Variants in QRSL1 observed in about 807,000 individuals in gnomAD.
The protein encoded by QRSL1 is glutaminyl-tRNA amidotransferase subunit QRSL1.
A neutral mutation model predicts 61.6 loss-of-function variants in QRSL1; 54 were observed. That is an observed-to-expected ratio of 0.88 (90% CI 0.70 to 1.10). The LOEUF (loss-of-function observed/expected upper bound fraction) is 1.10, where lower values mean the gene tolerates loss of function less well. Among genes scored for constraint, QRSL1 ranks in the 50% least tolerant of loss-of-function variants. The pLI is 0.00. For synonymous variants in QRSL1, 228 were observed against 225.7 expected (o/e 1.01, Z -0.09); for missense variants, 505 against 622.6 (o/e 0.81, Z 2.01).
rs751267365 is a variant in QRSL1, at chr6:106,640,406, C to G, written c.82C>G (p.Leu28Val). ...ITPTELCQKC[L>V]SLIKKTKFLN... is the part of the protein sequence containing the mutation. The stretch of plus-strand genomic sequence containing the variant: ...ACCAACAGAGCTCTGTCAAAAATGT[C>G]TCTCTCTTATCAAGAAGACCAAGTT... The change falls in exon 2 of 11, where the codon CTC (leucine) becomes GTC (valine). Residue 28 changes from leucine to valine, a missense_variant. Physicochemically the swap from Leu to Val is conservative, Grantham distance 32. Coordinates refer to ENST00000369046, the MANE Select transcript of QRSL1 (RefSeq NM_018292.5). The G allele has an allele frequency of 5.0e-6, 8 of 1,612,792 alleles. No homozygotes were observed. Among genetic ancestry groups the G allele is most frequent in the Non-Finnish European group, 6.8e-6 (8 of 1,179,030 alleles).
intron 4 of QRSL1, 49 bp downstream of exon 4, chr6:106,643,139 A>G (rs1390511701): frequency 7.9e-7 from 1 of 1,273,240 alleles, no homozygotes; most frequent in East Asian, 2.3e-5. Flanking sequence ...CTGTGCCTTT[A>G]TTTTCACTAA....
intron 1 of QRSL1, among the ~76,000 whole-genome samples, chr6:106,637,561 G>C (rs1776943723): frequency 6.6e-6 from 1 of 152,128 alleles, no homozygotes; most frequent in Non-Finnish European, 1.5e-5. Context: ...TTTGAGAGAA[G>C]AGGGAAGAGA....
intron 8 of QRSL1, 115 bp downstream of exon 8, chr6:106,655,037 T>G: frequency 1.0e-6 from 1 of 953,828 alleles, no homozygotes; most frequent in African/African-American, 1.7e-5. Context: ...TCAGAAAAGT[T>G]CATCAGTGAA....
intron 1 of QRSL1, among the ~76,000 whole-genome samples, chr6:106,638,685 G>A (rs67667413): frequency 0.1 from 15,135 of 152,082 alleles, 1,043 homozygotes; most frequent in African/African-American, 0.19. Context: ...ATCGGACCTT[G>A]CTGCCCTCCT....
At chr6:106,642,703 C>T in intron 3 of QRSL1, 1 of 753,130 alleles carries the variant, frequency 1.3e-6, no homozygotes, top group Non-Finnish European at 2.4e-6. Context: ...AGATTCTTGC[C>T]AAGAGAATGA....
intron 10 of QRSL1, among the ~76,000 whole-genome samples, chr6:106,664,130 T>G (rs1777399268): frequency 6.6e-6 from 1 of 152,250 alleles, no homozygotes; most frequent in Non-Finnish European, 1.5e-5. Context: ...AAATATGGTT[T>G]ATATTCAAAT....
rs1294698315 is a variant in QRSL1 at position 106,667,857 on chromosome 6, C to T, written c.*1855C>T. On this transcript the variant is annotated 3_prime_UTR_variant, in exon 11 of 11. Coordinates refer to ENST00000369046, the MANE Select transcript of QRSL1 (RefSeq NM_018292.5). Reference sequence around the variant, plus strand: ...TTAATTGCTCAGACACCACAACATCCTAGATGGAGGAAACCATTTTAGTTG... The same window carrying T: ...TTAATTGCTCAGACACCACAACATCTTAGATGGAGGAAACCATTTTAGTTG... 1 of 151,872 alleles carries T rather than the reference C, an allele frequency of 6.6e-6. No individual in the cohort carries two copies. The highest frequency in any genetic ancestry group is 1.5e-5 in the Non-Finnish European group (1 of 67,984). 9.4% of individuals were successfully genotyped at this position (151,872 alleles called of 1,614,324 possible).
rs146169808 is a variant in QRSL1 at position 106,659,188 on chromosome 6, C to T, written c.1160+3456C>T. ...GAACATATAGAACATATTTAGGCTG[C>T]GTGCGGTGGCTCACACCTGTAATCC... On this transcript the variant is annotated intron_variant, in intron 9 of 10. Transcript: ENST00000369046. Among the ~76,000 whole-genome samples the T allele has an allele frequency of 1.0e-3, 155 of 152,038 alleles. 1 individual carries two copies. The highest frequency in any genetic ancestry group is 1.9e-3 in the East Asian group (10 of 5,176).
rs779514028 is a variant in QRSL1, at chr6:106,655,641, A to C, written c.1069A>C (p.Thr357Pro). The C allele has an allele frequency of 3.1e-6, 5 of 1,612,334 alleles. No individual in the cohort carries two copies. In the African/African-American group the frequency reaches 6.7e-5, roughly 22 times the overall value. The stretch of plus-strand genomic sequence containing the variant: ...TCACAGATGTGACATTGATGTGTCC[A>C]CTGAAGCCATGTATGCTGCAACCAG... ...YGHRCDIDVS[T>P]EAMYAATRRE... The change falls in exon 9 of 11, where the codon ACT becomes CCT. Residue 357 changes from threonine to proline, a missense_variant. Thr to Pro is a conservative substitution (Grantham distance 38, BLOSUM62 -1). Coordinates refer to ENST00000369046, the MANE Select transcript of QRSL1 (RefSeq NM_018292.5).
intron 9 of QRSL1, among the ~76,000 whole-genome samples, chr6:106,661,590 C>T (rs1777356012): frequency 1.3e-5 from 2 of 148,726 alleles, no homozygotes; most frequent in African/African-American, 4.9e-5. Context: ...ACATATTTCA[C>T]GTTTTTATCG....
At position 106,639,116 on chromosome 6, in the gene QRSL1, G is replaced by GTTTTTTTTTTTTTTTTTTTTTTTTTTT. The variant is rs1554200732; in HGVS notation, c.25-1231_25-1230insTTTTTTTTTTTTTTTTTTTTTTTTTTT. Among the ~76,000 whole-genome samples the GTTTTTTTTTTTTTTTTTTTTTTTTTTT allele has an allele frequency of 5.5e-5, 3 of 54,358 alleles. 1 individual carries two copies. The highest frequency in any genetic ancestry group is 7.9e-4 in the East Asian group (2 of 2,528). The allele number at this position is 54,358 out of a possible 152,430, so 35.7% of individuals were successfully genotyped here. A position where few individuals can be genotyped will look rare whatever the true frequency, so the allele number is the denominator to read the frequency against. On this transcript the variant is annotated intron_variant, in intron 1 of 10. Coordinates refer to ENST00000369046, the MANE Select transcript of QRSL1 (RefSeq NM_018292.5). ...ACTTGTGTGGTTATTTGTGTGTTTT[G>GTTTTTTTTTTTTTTTTTTTTTTTTTTT]TTGTTTTTTTTTTTTTTTTTTTTTT...
At chr6:106,648,733 G>C (rs938526091) in intron 4 of QRSL1, among the ~76,000 whole-genome samples, 1 of 152,220 alleles carries the variant, frequency 6.6e-6, no homozygotes, top group Admixed American at 6.5e-5. Flanking sequence ...GGAAGACCTT[G>C]ATTCACAAGG....
intron 10 of QRSL1, among the ~76,000 whole-genome samples, chr6:106,664,219 A>G (rs914180913): frequency 2.0e-5 from 3 of 152,202 alleles, no homozygotes; most frequent in African/African-American, 7.2e-5. Context: ...GTATCTTTTT[A>G]AAATCTAGAA....
chr6:106,647,556 C>CAAAAA (rs56935677), intron 4 of QRSL1, among the ~76,000 whole-genome samples: 14 of 75,470 alleles, frequency 1.9e-4, no homozygotes, highest in Admixed American at 3.3e-4. Flanking sequence ...GAGACTGTCT[C>CAAAAA]AAAAAAAAAA....
At chr6:106,642,846 C>T in intron 3 of QRSL1, 148 bp from the exon 4 acceptor site, 1 of 768,138 alleles carries the variant, frequency 1.3e-6, no homozygotes, top group Non-Finnish European at 2.4e-6. Context: ...CAGCCTGCTC[C>T]ACCCAGAGAA....
chr6:106,642,357 A>T (rs558681833), intron 3 of QRSL1: 2 of 362,876 alleles, frequency 5.5e-6, no homozygotes, highest in South Asian at 5.7e-5. Context: ...CGCCCCGCCG[A>T]CTCTTGTTTC....
At chr6:106,645,772 A>T (rs1045609443) in intron 4 of QRSL1, among the ~76,000 whole-genome samples, 5 of 152,152 alleles carry the variant, frequency 3.3e-5, no homozygotes, top group African/African-American at 4.8e-5. Flanking sequence ...CTAATTGTTT[A>T]TTGCTAGTAC....
chr6:106,653,691 G>A (rs915754263), intron 7 of QRSL1: 109 of 152,060 alleles, frequency 7.2e-4, no homozygotes, highest in African/African-American at 2.6e-3. Flanking sequence ...GGGTGTGGTG[G>A]TGTGCACCTG....
chr6:106,641,202 T>C (rs1182992986), intron 3 of QRSL1, among the ~76,000 whole-genome samples: 1 of 152,188 alleles, frequency 6.6e-6, no homozygotes, highest in Non-Finnish European at 1.5e-5. Flanking sequence ...TGCATACCTG[T>C]AGTCCCAGCT....
Sources: gnomAD v4.1 joint callset for allele counts (sites outside exome capture counted in the v4.1 genomes callset) on GRCh38, gnomAD v4.1.1 for gene constraint, MANE v1.5 for transcripts, NCBI Gene and HGNC (gene_info 2026-07-23, HGNC 2026-07-21) for gene names.